Variants in COL6A5 observed in about 807,000 individuals in gnomAD.
COL6A5 encodes the protein collagen alpha-5(VI) chain.
COL6A5 carries 48 observed loss-of-function variants against 65.6 expected under a neutral mutation model. That is an observed-to-expected ratio of 0.73 (90% CI 0.58 to 0.93). The LOEUF is 0.93. COL6A5 is among the 40% of genes least tolerant of loss of function. COL6A5 has a pLI of 0.00. For missense variants in COL6A5, 914 were observed against 928.3 expected (o/e 0.98, Z 0.20); for synonymous variants, 291 against 322.8 (o/e 0.90, Z 1.05).
intron 25 of COL6A5, among the ~76,000 whole-genome samples, chr3:130,419,419 T>G (rs966556983): frequency 1.6e-4 from 24 of 152,270 alleles, no homozygotes; most frequent in Admixed American, 6.5e-4. Flanking sequence ...TTTTAAAAAA[T>G]TAATGTTTAT....
upstream of COL6A5, among the ~76,000 whole-genome samples, chr3:130,430,680 T>C (rs147902995): frequency 1.3e-3 from 204 of 152,334 alleles, 4 homozygotes; most frequent in South Asian, 0.032. Context: ...TTGCAAACTT[T>C]TCTTGGTTCC....
intron 4 of COL6A5, among the ~76,000 whole-genome samples, chr3:130,449,712 C>T (rs538129199): frequency 4.4e-4 from 67 of 152,216 alleles, no homozygotes; most frequent in African/African-American, 1.4e-3. Flanking sequence ...TTTTCACCGC[C>T]GGAGCCCATC....
intron 3 of COL6A5, 25 bp downstream of exon 3, chr3:130,376,861 G>T: frequency 6.3e-7 from 1 of 1,579,332 alleles, no homozygotes; most frequent in Non-Finnish European, 8.6e-7. Flanking sequence ...GGTTGAAGAG[G>T]TGCCTGATCC....
intron 1 of COL6A5, among the ~76,000 whole-genome samples, chr3:130,438,534 G>A (rs1709093319): frequency 6.6e-6 from 1 of 152,108 alleles, no homozygotes; most frequent in Non-Finnish European, 1.5e-5. Flanking sequence ...AACACCCAAA[G>A]CATCCAATTT....
intron 1 of COL6A5, among the ~76,000 whole-genome samples, chr3:130,372,443 T>TTATA (rs113645647): frequency 6.6e-6 from 1 of 150,880 alleles, no homozygotes. Flanking sequence ...ATGTTTTAAA[T>TTATA]TATATATATA....
At chr3:130,397,160 C>A (rs1355059370) in intron 8 of COL6A5, among the ~76,000 whole-genome samples, 1 of 152,182 alleles carries the variant, frequency 6.6e-6, no homozygotes, top group Non-Finnish European at 1.5e-5. Flanking sequence ...AGCCACCACA[C>A]CCAGCCTCAA....
chr3:130,438,959 T>G (rs1205554199), intron 1 of COL6A5, among the ~76,000 whole-genome samples: 1 of 152,174 alleles, frequency 6.6e-6, no homozygotes, highest in East Asian at 1.9e-4. Context: ...TGTCCATTGC[T>G]TTTTGAAATA....
At chr3:130,395,030 G>T in exon 8 of COL6A5, 1 of 1,551,478 alleles carries the variant, frequency 6.4e-7, no homozygotes, top group South Asian at 1.2e-5. Flanking sequence ...AATGAAAATT[G>T]GTATGGCTCA....
In COL6A5 at chr3:130,426,445, G is replaced by A. The variant is rs139593739; in HGVS notation, c.5236+42G>A. ...GAACAAGAGCATCCATCAATGGTTG[G>A]TGAGGCACTTAGGACTGTATGCAGT... is the stretch of plus-strand genomic sequence containing the variant. On this transcript the variant is annotated intron_variant and NMD_transcript_variant, in intron 31 of 41. Transcript: ENST00000312481. 8 of 1,543,094 alleles carry A rather than the reference G, an allele frequency of 5.2e-6. No individual in the cohort carries two copies. In the East Asian group the frequency reaches 2.0e-4, roughly 38 times the overall value.
chr3:130,346,887 AT>A lies in COL6A5; in HGVS notation c.-29+913del, dbSNP rs564374864. On this transcript the variant is annotated intron_variant and NMD_transcript_variant, in intron 1 of 41. Transcript: ENST00000312481. ...CTTAAGAAAAAATTCACACTGCAAG[AT>A]TTTTTTCCATTTTTTCTATTTAAGT... Among the ~76,000 whole-genome samples the A allele has an allele frequency of 3.5e-4, 53 of 152,224 alleles. No homozygotes were observed. The East Asian group carries it at 9.6e-3, about 28-fold the overall frequency.
At chr3:130,351,949 C>T (rs1934732097) in intron 1 of COL6A5, among the ~76,000 whole-genome samples, 1 of 152,048 alleles carries the variant, frequency 6.6e-6, no homozygotes, top group Non-Finnish European at 1.5e-5. Flanking sequence ...AAATGTGGCA[C>T]ATATACACCA....
At chr3:130,409,872 T>C (rs1214097327) in intron 18 of COL6A5, 137 bp from the exon 19 acceptor site, 3 of 574,624 alleles carry the variant, frequency 5.2e-6, no homozygotes, top group African/African-American at 1.9e-5. Context: ...CAAAATCCTG[T>C]GAGTTTCGAA....
chr3:130,431,995 G>C (rs780656517), intron 1 of COL6A5, 46 bp downstream of exon 33: 18 of 1,532,516 alleles, frequency 1.2e-5, no homozygotes, highest in Non-Finnish European at 1.4e-5. Flanking sequence ...GATAGAGGTA[G>C]GTATTGTGAT....
chr3:130,449,089 G>GT (rs945655256), intron 4 of COL6A5, among the ~76,000 whole-genome samples: 3 of 152,154 alleles, frequency 2.0e-5, no homozygotes, highest in African/African-American at 7.2e-5. Context: ...TTTCCAAGTT[G>GT]TAAGTGTTCA....
intron 7 of COL6A5, among the ~76,000 whole-genome samples, chr3:130,473,449 T>C (rs1442669688): frequency 2.6e-5 from 4 of 152,076 alleles, no homozygotes; most frequent in Admixed American, 6.6e-5. Flanking sequence ...TTTCCCCCTT[T>C]TCTGTCATGG....
At chr3:130,415,536 T>G in intron 22 of COL6A5, 109 bp from the exon 23 acceptor site, 1 of 943,146 alleles carries the variant, frequency 1.1e-6, no homozygotes, top group Non-Finnish European at 1.6e-6. Flanking sequence ...GTTAAAAGGC[T>G]GTGGGAAGGG....
intron 4 of COL6A5, among the ~76,000 whole-genome samples, chr3:130,381,823 G>T (rs750814735): frequency 3.3e-5 from 5 of 151,992 alleles, no homozygotes; most frequent in African/African-American, 4.8e-5. Flanking sequence ...ACCATAGGAG[G>T]GATATGTGGC....
chr3:130,371,719 T>C (rs556713380), intron 1 of COL6A5, among the ~76,000 whole-genome samples: 1 of 152,274 alleles, frequency 6.6e-6, no homozygotes, highest in South Asian at 2.1e-4. Flanking sequence ...AACTATAAAA[T>C]GCTTAGAAGA....
At position 130,386,827 on chromosome 3, in the gene COL6A5, A is replaced by C. The variant is rs1408623039; in HGVS notation, c.1861+1463A>C. Among the ~76,000 whole-genome samples, 4 of 152,004 alleles carry C rather than the reference A, an allele frequency of 2.6e-5. No individual in the cohort carries two copies. In the East Asian group the frequency reaches 7.7e-4, roughly 29 times the overall value. ...GAGATAAGTTGTGGACAAGGAAATG[A>C]GTCATAAAATGGCTAACAGAGAAGC... is the stretch of plus-strand genomic sequence containing the variant. On this transcript the variant is annotated intron_variant and NMD_transcript_variant, in intron 5 of 41. Transcript: ENST00000312481.
Sources: gnomAD v4.1 joint callset for allele counts (sites outside exome capture counted in the v4.1 genomes callset) on GRCh38, gnomAD v4.1.1 for gene constraint, MANE v1.5 for transcripts, NCBI Gene and HGNC (gene_info 2026-07-23, HGNC 2026-07-21) for gene names.